GRIP1: variants seen among roughly 807,000 people sequenced by gnomAD.
GRIP1 encodes the protein glutamate receptor interacting protein 1.
GRIP1 carries 45 observed loss-of-function variants against 129.9 expected under a neutral mutation model. The ratio of observed to expected loss-of-function variants is 0.35; its 90% CI spans 0.27 to 0.44. The LOEUF (loss-of-function observed/expected upper bound fraction) is 0.44. GRIP1 is among the 20% of genes least tolerant of loss of function. The pLI is 1.00. For missense variants in GRIP1, 1,196 were observed against 1,396.8 expected (o/e 0.86, Z 2.29); for synonymous variants, 530 against 520.8 (o/e 1.02, Z -0.24).
At chr12:66,998,966 CTCATT>C (rs1338423534) in intron 1 of GRIP1, among the ~76,000 whole-genome samples, 8 of 152,068 alleles carry the variant, frequency 5.3e-5, no homozygotes, top group African/African-American at 1.9e-4. Context: ...TTCTTCTCAC[CTCATT>C]TGAGTCTAAG....
chr12:66,777,702 A>T (rs970455689), intron 1 of GRIP1, among the ~76,000 whole-genome samples: 1 of 152,336 alleles, frequency 6.6e-6, no homozygotes, highest in African/African-American at 2.4e-5. Flanking sequence ...ATGTACACAT[A>T]CATGCAGATG....
At chr12:66,705,802 G>A (rs574802722) in intron 1 of GRIP1, among the ~76,000 whole-genome samples, 1 of 152,150 alleles carries the variant, frequency 6.6e-6, no homozygotes, top group South Asian at 2.1e-4. Flanking sequence ...ACAAGCAAAA[G>A]GGAAAGGATC....
chr12:66,578,940 C>A (rs563474421), intron 2 of GRIP1, among the ~76,000 whole-genome samples: 1 of 152,204 alleles, frequency 6.6e-6, no homozygotes, highest in African/African-American at 2.4e-5. Flanking sequence ...GATCTGAGAA[C>A]GGGCAGACTG....
intron 2 of GRIP1, among the ~76,000 whole-genome samples, chr12:66,556,358 A>G (rs2139358281): frequency 6.6e-6 from 1 of 152,284 alleles, no homozygotes; most frequent in Non-Finnish European, 1.5e-5. Flanking sequence ...AGGAGAAATA[A>G]AGACCTTCCT....
chr12:66,400,667 TCTC>T (rs1565701209), intron 16 of GRIP1, among the ~76,000 whole-genome samples: 1 of 152,132 alleles, frequency 6.6e-6, no homozygotes, highest in East Asian at 1.9e-4. Flanking sequence ...TGATTTATGG[TCTC>T]CAAAAATATG....
intron 7 of GRIP1, among the ~76,000 whole-genome samples, chr12:66,493,452 T>C (rs933689664): frequency 3.9e-5 from 6 of 152,186 alleles, no homozygotes; most frequent in Non-Finnish European, 7.3e-5. Flanking sequence ...TGCAGTGAGA[T>C]AGGTCTTCTA....
chr12:66,555,275 T>A (rs553397169), intron 2 of GRIP1, among the ~76,000 whole-genome samples: 20 of 152,302 alleles, frequency 1.3e-4, no homozygotes, highest in Non-Finnish European at 2.2e-4. Context: ...CCAGATAATT[T>A]TTCTGGATCT....
chr12:66,684,660 C>T (rs2034711618), intron 1 of GRIP1, among the ~76,000 whole-genome samples: 2 of 152,166 alleles, frequency 1.3e-5, no homozygotes, highest in Admixed American at 1.3e-4. Context: ...GTCTGGCCAA[C>T]ATGGTGAAAC....
chr12:66,929,527 A>C (rs2041352461), intron 1 of GRIP1, among the ~76,000 whole-genome samples: 1 of 152,218 alleles, frequency 6.6e-6, no homozygotes, highest in East Asian at 1.9e-4. Flanking sequence ...TTGGAGGTTC[A>C]CATATGGAAG....
intron 9 of GRIP1, among the ~76,000 whole-genome samples, chr12:66,457,454 T>A (rs752872509): frequency 6.6e-6 from 1 of 152,116 alleles, no homozygotes; most frequent in Non-Finnish European, 1.5e-5. Flanking sequence ...ATTTTATTTG[T>A]GTAGAAATGA....
rs537879545 is a variant in GRIP1 at position 66,903,910 on chromosome 12, CTACTTT to C, written c.58+165134_58+165139del. 2.2e-3 allele frequency among the ~76,000 whole-genome samples: 336 copies of C among 152,316 alleles called. 1 individual carries two copies. The highest frequency in any genetic ancestry group is 3.9e-3 in the Non-Finnish European group (263 of 68,036). ...AGAGAGATGGAAGTTAAACTCTTCT[CTACTTT>C]TACTCAGCCAAGCAAAGGTTTTCAA... On this transcript the variant is annotated intron_variant, in intron 1 of 1. Coordinates refer to the GRIP1 transcript ENST00000643019.
intron 2 of GRIP1, among the ~76,000 whole-genome samples, chr12:66,575,793 G>A (rs918900440): frequency 1.1e-4 from 16 of 152,150 alleles, no homozygotes; most frequent in African/African-American, 3.4e-4. Flanking sequence ...GAAATACTGA[G>A]CTACTCAGTT....
At chr12:66,428,058 C>CA (rs2058039835) in intron 14 of GRIP1, among the ~76,000 whole-genome samples, 1 of 152,168 alleles carries the variant, frequency 6.6e-6, no homozygotes, top group Non-Finnish European at 1.5e-5. Flanking sequence ...CACCCTGCAA[C>CA]AAATGCTTCA....
At position 66,577,200 on chromosome 12, in the gene GRIP1, T is replaced by C. The variant is rs190638139; in HGVS notation, c.136+19647A>G. ...GAGATGATAGATGTATTCAAGTATC[T>C]GAATGACTGACTTTGGGGAAGCTCA... On this transcript the variant is annotated intron_variant, in intron 2 of 24. Coordinates refer to ENST00000359742, the MANE Select transcript of GRIP1 (RefSeq NM_001366722.1). Among the ~76,000 whole-genome samples, 33 of 152,298 alleles carry C rather than the reference T, an allele frequency of 2.2e-4. No individual in the cohort carries two copies. In the East Asian group the frequency reaches 6.2e-3, roughly 29 times the overall value.
At chr12:66,553,252 A>T (rs964110835) in intron 2 of GRIP1, among the ~76,000 whole-genome samples, 8 of 152,134 alleles carry the variant, frequency 5.3e-5, no homozygotes, top group Non-Finnish European at 1.2e-4. Context: ...ATGTAACACT[A>T]TCTTACCCAA....
intron 1 of GRIP1, among the ~76,000 whole-genome samples, chr12:66,795,963 C>T (rs935486021): frequency 2.0e-5 from 3 of 152,130 alleles, no homozygotes; most frequent in Non-Finnish European, 4.4e-5. Context: ...GGTAAGTGTA[C>T]TTTTAGCTTA....
intron 1 of GRIP1, among the ~76,000 whole-genome samples, chr12:66,795,857 T>C (rs532290209): frequency 6.6e-6 from 1 of 152,254 alleles, no homozygotes; most frequent in South Asian, 2.1e-4. Flanking sequence ...TGGAGTGCAC[T>C]TGAAAGACTA....
At chr12:66,694,298 G>C (rs1446845732) in intron 1 of GRIP1, among the ~76,000 whole-genome samples, 1 of 152,112 alleles carries the variant, frequency 6.6e-6, no homozygotes, top group Non-Finnish European at 1.5e-5. Flanking sequence ...TGGCCATTAT[G>C]AGCTTTGTAG....
chr12:67,040,173 G>C (rs1053037845), intron 1 of GRIP1, among the ~76,000 whole-genome samples: 1 of 152,024 alleles, frequency 6.6e-6, no homozygotes, highest in Non-Finnish European at 1.5e-5. Flanking sequence ...TTCCAGAGTA[G>C]AGAGATAATC....
Sources: gnomAD v4.1 joint callset for allele counts (sites outside exome capture counted in the v4.1 genomes callset) on GRCh38, gnomAD v4.1.1 for gene constraint, MANE v1.5 for transcripts, NCBI Gene and HGNC (gene_info 2026-07-23, HGNC 2026-07-21) for gene names.